Variants in TBC1D22A observed in about 807,000 individuals in gnomAD.
The protein encoded by TBC1D22A is putative GTPase activator.
Under a neutral mutation model 60.2 loss-of-function variants are expected in TBC1D22A, and 38 were observed. The observed-to-expected ratio is 0.63, with a 90% CI of 0.49 to 0.83. The LOEUF (loss-of-function observed/expected upper bound fraction) is 0.83, where lower values mean the gene tolerates loss of function less well. Among genes scored for constraint, TBC1D22A ranks in the 40% least tolerant of loss-of-function variants. The pLI is 0.00. For synonymous variants in TBC1D22A, 302 were observed against 281.7 expected (o/e 1.07, Z -0.72); for missense variants, 628 against 701.0 (o/e 0.90, Z 1.18).
At chr22:47,153,305 C>T (rs534104070) in intron 12 of TBC1D22A, among the ~76,000 whole-genome samples, 20 of 152,186 alleles carry the variant, frequency 1.3e-4, no homozygotes, top group Admixed American at 2.6e-4. Flanking sequence ...CAAGGGAGCC[C>T]GGGAAATGCA....
At chr22:47,037,020 C>G in intron 10 of TBC1D22A, 51 bp from the exon 11 acceptor site, 2 of 1,606,736 alleles carry the variant, frequency 1.2e-6, no homozygotes, top group Non-Finnish European at 8.5e-7. Context: ...GCTGCCAGTG[C>G]CTCCATAGGG....
intron 9 of TBC1D22A, among the ~76,000 whole-genome samples, chr22:46,988,167 C>T (rs2074800663): frequency 6.6e-6 from 1 of 152,032 alleles, no homozygotes; most frequent in Admixed American, 6.6e-5. Context: ...TGCAGTAATT[C>T]AAGCACATTT....
intron 11 of TBC1D22A, among the ~76,000 whole-genome samples, chr22:47,082,447 C>T (rs1462121614): frequency 6.6e-6 from 1 of 152,042 alleles, no homozygotes; most frequent in African/African-American, 2.4e-5. Context: ...TCTGAATAGT[C>T]AAAGGACAGA....
chr22:46,773,307 C>T lies in TBC1D22A; in HGVS notation c.62+10459C>T, dbSNP rs114867884. Reference sequence around the variant, plus strand: ...CTGGGAGCACAAGATGACCCACCTGCGTAGTTCTTTTTCCTGAGGAGTCGG... The same window carrying T: ...CTGGGAGCACAAGATGACCCACCTGTGTAGTTCTTTTTCCTGAGGAGTCGG... On this transcript the variant is annotated intron_variant, in intron 1 of 12. Coordinates refer to ENST00000337137, the MANE Select transcript of TBC1D22A (RefSeq NM_014346.5). Among the ~76,000 whole-genome samples the T allele has an allele frequency of 3.3e-3, 510 of 152,260 alleles. 4 individuals carry two copies. The highest frequency in any genetic ancestry group is 0.011 in the African/African-American group (474 of 41,560).
intron 12 of TBC1D22A, among the ~76,000 whole-genome samples, chr22:47,119,000 T>G (rs1336009186): frequency 6.6e-6 from 1 of 151,970 alleles, no homozygotes; most frequent in Non-Finnish European, 1.5e-5. Flanking sequence ...AATACAAAAA[T>G]TAGCCAGGTG....
chr22:47,158,443 G>A lies in TBC1D22A; in HGVS notation c.1426-15055G>A, dbSNP rs183783049. Among the ~76,000 whole-genome samples, 27 of 152,296 alleles carry A rather than the reference G, an allele frequency of 1.8e-4. 1 individual carries two copies. In the East Asian group the frequency reaches 4.8e-3, roughly 27 times the overall value. On this transcript the variant is annotated intron_variant, in intron 12 of 12. Transcript: ENST00000337137. Reference sequence around the variant, plus strand: ...AGAGGAGAGGCACTGAGGGCGGAGAGAGGCAGCAGTCCTGGGTAGGGGGCA... The same window carrying A: ...AGAGGAGAGGCACTGAGGGCGGAGAAAGGCAGCAGTCCTGGGTAGGGGGCA...
intron 12 of TBC1D22A, among the ~76,000 whole-genome samples, chr22:47,152,471 G>C (rs542079038): frequency 6.6e-6 from 1 of 152,142 alleles, no homozygotes; most frequent in Non-Finnish European, 1.5e-5. Context: ...GCTGCTCCCC[G>C]CTTCCATGGG....
At chr22:46,970,479 G>C (rs968842510) in intron 8 of TBC1D22A, among the ~76,000 whole-genome samples, 43 of 152,230 alleles carry the variant, frequency 2.8e-4, no homozygotes, top group Non-Finnish European at 3.4e-4. Flanking sequence ...CTGTCCTATG[G>C]AGTGACACAT....
chr22:46,913,146 G>A (rs2070077978), intron 8 of TBC1D22A, among the ~76,000 whole-genome samples: 1 of 152,158 alleles, frequency 6.6e-6, no homozygotes, highest in South Asian at 2.1e-4. Flanking sequence ...TTTTGAATAT[G>A]TTTTTAAGTT....
Position 46,842,528 on chromosome 22 carries a change from C to T in TBC1D22A, c.638-36125C>T, listed in dbSNP as rs117112809. Among the ~76,000 whole-genome samples, 78 of 152,296 alleles carry T rather than the reference C, an allele frequency of 5.1e-4. 5 individuals are homozygous for T. The East Asian group carries it at 0.015, about 29-fold the overall frequency. On this transcript the variant is annotated intron_variant, in intron 4 of 12. Coordinates refer to ENST00000337137, the MANE Select transcript of TBC1D22A (RefSeq NM_014346.5). ...TCAAAGTAAGTTGTAGATATCAGTT[C>T]TCCCCGTAAACACTTGAGTATGCAT...
At chr22:46,862,987 C>T (rs1290587978) in intron 4 of TBC1D22A, among the ~76,000 whole-genome samples, 1 of 152,242 alleles carries the variant, frequency 6.6e-6, no homozygotes, top group Non-Finnish European at 1.5e-5. Flanking sequence ...TCCGAAGCAT[C>T]TTGTCCAGAT....
chr22:46,887,928 G>A (rs1246670243), intron 5 of TBC1D22A, among the ~76,000 whole-genome samples: 3 of 152,206 alleles, frequency 2.0e-5, no homozygotes, highest in Non-Finnish European at 4.4e-5. Context: ...GCTTAAGGAG[G>A]ATGGAAGGAA....
At chr22:47,155,173 C>T (rs2067660630) in intron 12 of TBC1D22A, among the ~76,000 whole-genome samples, 1 of 151,700 alleles carries the variant, frequency 6.6e-6, no homozygotes, top group African/African-American at 2.4e-5. Flanking sequence ...CCCATGTTTT[C>T]AGCACTGAAA....
At chr22:46,803,718 G>A (rs960705851) in intron 4 of TBC1D22A, among the ~76,000 whole-genome samples, 2 of 152,080 alleles carry the variant, frequency 1.3e-5, no homozygotes, top group Middle Eastern at 3.2e-3. Flanking sequence ...GGCTAACTCG[G>A]CCTTGCCCTG....
chr22:47,006,875 C>T (rs2061609805), intron 10 of TBC1D22A, among the ~76,000 whole-genome samples: 1 of 152,196 alleles, frequency 6.6e-6, no homozygotes. Flanking sequence ...GTTCTTGGTG[C>T]TGCTCAGAGG....
At chr22:46,911,384 G>A (rs74430710) in intron 7 of TBC1D22A, among the ~76,000 whole-genome samples, 2,326 of 152,316 alleles carry the variant, frequency 0.015, 20 homozygotes, top group South Asian at 0.028. Context: ...GAAATTTAGA[G>A]CATCCACCCA....
At chr22:46,808,923 C>T (rs1320474241) in intron 4 of TBC1D22A, among the ~76,000 whole-genome samples, 1 of 152,192 alleles carries the variant, frequency 6.6e-6, no homozygotes, top group Non-Finnish European at 1.5e-5. Flanking sequence ...TTCATATAAA[C>T]TATTGGAGGC....
intron 10 of TBC1D22A, 83 bp from the exon 11 acceptor site, chr22:47,036,988 C>T (rs2062677649): frequency 6.3e-7 from 1 of 1,575,696 alleles, no homozygotes; most frequent in Middle Eastern, 1.8e-4. Context: ...CGGGCGCAGG[C>T]CCTTGGGGGA....
chr22:46,950,915 C>T (rs2072864876), intron 8 of TBC1D22A, among the ~76,000 whole-genome samples: 1 of 152,170 alleles, frequency 6.6e-6, no homozygotes, highest in Admixed American at 6.5e-5. Context: ...AGAGAAGTTC[C>T]TTATAAATAA....
Sources: gnomAD v4.1 joint callset for allele counts (sites outside exome capture counted in the v4.1 genomes callset) on GRCh38, gnomAD v4.1.1 for gene constraint, MANE v1.5 for transcripts, NCBI Gene and HGNC (gene_info 2026-07-23, HGNC 2026-07-21) for gene names.